ATG10: variants seen among roughly 807,000 people sequenced by gnomAD.
ATG10 encodes the protein ubiquitin-like-conjugating enzyme ATG10.
A neutral mutation model predicts 32.1 loss-of-function variants in ATG10; 30 were observed. The observed-to-expected ratio is 0.94, with a 90% CI of 0.70 to 1.27. ATG10 has a LOEUF of 1.27. Ranked by LOEUF, ATG10 falls within the 50% of genes most tolerant of loss-of-function variation. The probability of loss-of-function intolerance (pLI) is 0.00; values close to 1 mark genes in which losing one functional copy is unlikely to be tolerated. For missense variants in ATG10, 233 were observed against 262.3 expected, an observed-to-expected ratio of 0.89 and a Z score of 0.77; for synonymous variants, 87 against 91.5, an observed-to-expected ratio of 0.95 and a Z score of 0.28.
At chr5:82,125,760 C>T (rs1407249401) in intron 3 of ATG10, among the ~76,000 whole-genome samples, 2 of 151,814 alleles carry the variant, frequency 1.3e-5, no homozygotes, top group Non-Finnish European at 2.9e-5. Flanking sequence ...TATGAGGGCT[C>T]TTTTTTTGCT....
At chr5:81,989,051 T>C (rs932481565) in intron 2 of ATG10, among the ~76,000 whole-genome samples, 1 of 151,968 alleles carries the variant, frequency 6.6e-6, no homozygotes, top group Non-Finnish European at 1.5e-5. Flanking sequence ...AGGCTGGTCT[T>C]GAACTCCTGA....
chr5:82,232,925 TCC>T (rs1156827433), intron 5 of ATG10, among the ~76,000 whole-genome samples: 1 of 152,186 alleles, frequency 6.6e-6, no homozygotes, highest in Non-Finnish European at 1.5e-5. Flanking sequence ...CTTCTCTCTC[TCC>T]CAATATTCCA....
At chr5:82,202,483 A>G (rs1745106174) in intron 5 of ATG10, among the ~76,000 whole-genome samples, 1 of 152,224 alleles carries the variant, frequency 6.6e-6, no homozygotes, top group African/African-American at 2.4e-5. Flanking sequence ...CTTGAAATAA[A>G]TCTCTGTCTC....
At chr5:82,158,039 C>G (rs1388177725) in intron 3 of ATG10, among the ~76,000 whole-genome samples, 1 of 152,168 alleles carries the variant, frequency 6.6e-6, no homozygotes, top group Non-Finnish European at 1.5e-5. Flanking sequence ...GCCCAATACA[C>G]TATTTGGGTT....
intron 5 of ATG10, among the ~76,000 whole-genome samples, chr5:82,226,545 C>A (rs560107530): frequency 6.6e-6 from 1 of 152,214 alleles, no homozygotes; most frequent in South Asian, 2.1e-4. Context: ...TACTCAAACA[C>A]AGATTTATGC....
At chr5:82,136,506 A>G (rs1766756574) in intron 3 of ATG10, among the ~76,000 whole-genome samples, 1 of 152,192 alleles carries the variant, frequency 6.6e-6, no homozygotes, top group African/African-American at 2.4e-5. Context: ...GCTGGATATG[A>G]AATTCTGGGT....
At chr5:82,228,242 G>A (rs536003432) in intron 5 of ATG10, among the ~76,000 whole-genome samples, 1 of 151,614 alleles carries the variant, frequency 6.6e-6, no homozygotes, top group South Asian at 2.1e-4. Flanking sequence ...ACTATTAAAA[G>A]TATGTATCAA....
chr5:82,075,355 G>A (rs1764242881), intron 3 of ATG10, among the ~76,000 whole-genome samples: 1 of 152,090 alleles, frequency 6.6e-6, no homozygotes, highest in Non-Finnish European at 1.5e-5. Flanking sequence ...GAAATCAAAG[G>A]CTATTTTGAA....
At chr5:82,101,248 C>T (rs1224692079) in intron 3 of ATG10, among the ~76,000 whole-genome samples, 2 of 152,116 alleles carry the variant, frequency 1.3e-5, no homozygotes, top group Non-Finnish European at 2.9e-5. Flanking sequence ...CTCTGATATC[C>T]TTCATGTATG....
At chr5:82,109,949 A>AC (rs1765564062) in intron 3 of ATG10, among the ~76,000 whole-genome samples, 3 of 103,138 alleles carry the variant, frequency 2.9e-5, no homozygotes, top group African/African-American at 3.0e-5. Context: ...GCTATCCCCC[A>AC]TCCCCCCACC....
chr5:82,139,787 T>G, intron 3 of ATG10, among the ~76,000 whole-genome samples: 1 of 122,888 alleles, frequency 8.1e-6, no homozygotes, highest in African/African-American at 3.2e-5. Context: ...CCGCCCCTAC[T>G]GGGAAGTGAG....
At chr5:82,009,997 C>A in intron 2 of ATG10, 1 of 1,610,838 alleles carries the variant, frequency 6.2e-7, no homozygotes, top group East Asian at 2.2e-5. Flanking sequence ...AAATTTTCTG[C>A]TGTCTTTGGG....
At chr5:82,136,396 C>G (rs1047401151) in intron 3 of ATG10, among the ~76,000 whole-genome samples, 2 of 152,150 alleles carry the variant, frequency 1.3e-5, no homozygotes, top group African/African-American at 4.8e-5. Flanking sequence ...GTGCTTACTT[C>G]AGGAGCTCTT....
intron 2 of ATG10, among the ~76,000 whole-genome samples, chr5:82,017,156 T>TC (rs1340675374): frequency 8.2e-6 from 1 of 122,124 alleles, no homozygotes; most frequent in Non-Finnish European, 1.7e-5. Context: ...ATTTTATCTC[T>TC]TTTTTTTTTT....
chr5:81,988,708 A>G (rs1446544954), intron 2 of ATG10, among the ~76,000 whole-genome samples: 3 of 152,164 alleles, frequency 2.0e-5, no homozygotes, highest in African/African-American at 7.2e-5. Flanking sequence ...TGCTGGGATT[A>G]CAGGCGTGAA....
chr5:82,131,928 C>A lies in ATG10; in HGVS notation c.217-32471C>A, dbSNP rs367972765. Among the ~76,000 whole-genome samples the A allele has an allele frequency of 1.3e-4, 20 of 151,890 alleles. No homozygotes were observed. In the East Asian group the frequency reaches 1.9e-3, roughly 15 times the overall value. On this transcript the variant is annotated intron_variant, in intron 3 of 7. Transcript: ENST00000282185. ...ATCATGGCAGAAGGCAAAGAGGGAA[C>A]AGGCATGTCACATGGCAAAGCAGGA...
chr5:82,155,701 CTT>C (rs1444942332), intron 3 of ATG10, among the ~76,000 whole-genome samples: 7 of 152,104 alleles, frequency 4.6e-5, no homozygotes, highest in African/African-American at 7.2e-5. Context: ...AATAATGACT[CTT>C]TGTTCTTAAT....
At chr5:82,075,935 C>T (rs975242676) in intron 3 of ATG10, among the ~76,000 whole-genome samples, 2 of 151,856 alleles carry the variant, frequency 1.3e-5, no homozygotes, top group Non-Finnish European at 2.9e-5. Flanking sequence ...ACTCCATGTC[C>T]AACAATAACA....
chr5:82,136,855 T>C (rs898355888), intron 3 of ATG10, among the ~76,000 whole-genome samples: 2 of 152,178 alleles, frequency 1.3e-5, no homozygotes, highest in African/African-American at 4.8e-5. Flanking sequence ...CACCAATCAA[T>C]GTAGGTTTGA....
Sources: allele counts gnomAD v4.1 joint callset (sites outside exome capture counted in the v4.1 genomes callset), GRCh38; gene constraint gnomAD v4.1.1; transcripts MANE v1.5; gene names NCBI Gene and HGNC (gene_info 2026-07-23, HGNC 2026-07-21).